Variants in CDH12 observed in about 807,000 individuals in gnomAD.
The protein encoded by CDH12 is cadherin-12.
In CDH12, 41 loss-of-function variants were observed where a neutral mutation model predicts 74.1. The ratio of observed to expected loss-of-function variants is 0.55; its 90% CI spans 0.43 to 0.72. CDH12 has a LOEUF of 0.72. CDH12 is among the 30% of genes least tolerant of loss of function. The probability of loss-of-function intolerance (pLI) is 0.00; values close to 1 mark genes in which losing one functional copy is unlikely to be tolerated. For synonymous variants in CDH12, 399 were observed against 355.0 expected, an observed-to-expected ratio of 1.12 and a Z score of -1.39; for missense variants, 945 against 977.2, an observed-to-expected ratio of 0.97 and a Z score of 0.44.
chr5:22,827,715 C>T (rs1736408908), intron 1 of CDH12, among the ~76,000 whole-genome samples: 1 of 152,080 alleles, frequency 6.6e-6, no homozygotes, highest in Admixed American at 6.6e-5. Flanking sequence ...GAACTTAAAA[C>T]TGAAATAGTA....
intron 5 of CDH12, among the ~76,000 whole-genome samples, chr5:22,020,748 C>A (rs1023603462): frequency 6.6e-6 from 1 of 151,976 alleles, no homozygotes; most frequent in Non-Finnish European, 1.5e-5. Context: ...TTGAGTTATC[C>A]CCCCTCTCAT....
At chr5:22,712,398 T>A (rs1345348205) in intron 1 of CDH12, among the ~76,000 whole-genome samples, 1 of 152,018 alleles carries the variant, frequency 6.6e-6, no homozygotes, top group Non-Finnish European at 1.5e-5. Context: ...AAATATAAGA[T>A]ACATTTTACA....
At chr5:21,909,241 T>C (rs948827965) in intron 6 of CDH12, among the ~76,000 whole-genome samples, 2 of 152,146 alleles carry the variant, frequency 1.3e-5, no homozygotes, top group Non-Finnish European at 2.9e-5. Context: ...ATTAACAACA[T>C]TGAAGCCTTC....
At chr5:21,896,362 C>A (rs1427228267) in intron 6 of CDH12, among the ~76,000 whole-genome samples, 1 of 152,152 alleles carries the variant, frequency 6.6e-6, no homozygotes, top group African/African-American at 2.4e-5. Context: ...TAAAAAGTGT[C>A]AAAATAACAA....
chr5:21,753,255 A>G (rs972184327), intron 14 of CDH12, among the ~76,000 whole-genome samples: 1 of 152,198 alleles, frequency 6.6e-6, no homozygotes, highest in African/African-American at 2.4e-5. Context: ...AATTTCATTT[A>G]TTCTCTCTTC....
chr5:22,230,338 A>G (rs1306060804), intron 3 of CDH12, among the ~76,000 whole-genome samples: 1 of 152,134 alleles, frequency 6.6e-6, no homozygotes, highest in Non-Finnish European at 1.5e-5. Flanking sequence ...TTTTTCTGGT[A>G]TCCTTAGTGT....
At chr5:22,076,694 A>G (rs1037632430) in intron 5 of CDH12, among the ~76,000 whole-genome samples, 2 of 152,180 alleles carry the variant, frequency 1.3e-5, no homozygotes, top group Non-Finnish European at 2.9e-5. Flanking sequence ...ATATTCCACA[A>G]TCATATTTGA....
chr5:22,657,878 C>CA (rs932060773), intron 1 of CDH12, among the ~76,000 whole-genome samples: 1 of 152,028 alleles, frequency 6.6e-6, no homozygotes, highest in African/African-American at 2.4e-5. Context: ...CCATAAAGTA[C>CA]AATAACATTT....
At chr5:22,543,747 C>T (rs141138174) in intron 1 of CDH12, among the ~76,000 whole-genome samples, 62 of 152,272 alleles carry the variant, frequency 4.1e-4, no homozygotes, top group Non-Finnish European at 7.4e-4. Context: ...TTGAAGTAAA[C>T]AATTTCTAAA....
At chr5:22,695,355 T>C (rs1372715850) in intron 1 of CDH12, among the ~76,000 whole-genome samples, 1 of 152,170 alleles carries the variant, frequency 6.6e-6, no homozygotes, top group Non-Finnish European at 1.5e-5. Context: ...TTTGGGTATA[T>C]ACCCAGTATT....
chr5:22,109,177 C>G (rs1490424523), intron 4 of CDH12, among the ~76,000 whole-genome samples: 1 of 152,054 alleles, frequency 6.6e-6, no homozygotes, highest in Non-Finnish European at 1.5e-5. Flanking sequence ...TTCTGTATAG[C>G]CTGCAAATGC....
intron 2 of CDH12, among the ~76,000 whole-genome samples, chr5:22,497,093 G>A (rs977888759): frequency 5.9e-5 from 9 of 152,056 alleles, no homozygotes; most frequent in African/African-American, 1.9e-4. Flanking sequence ...TTCTTATGAG[G>A]ATTAATTAAA....
intron 6 of CDH12, among the ~76,000 whole-genome samples, chr5:21,871,515 T>G (rs1021202853): frequency 2.0e-5 from 3 of 151,986 alleles, no homozygotes; most frequent in Admixed American, 6.6e-5. Flanking sequence ...GGTGGATCAC[T>G]TGAGGTCAAA....
intron 1 of CDH12, among the ~76,000 whole-genome samples, chr5:22,606,443 G>C (rs1034499824): frequency 5.6e-4 from 85 of 152,278 alleles, no homozygotes; most frequent in African/African-American, 1.9e-3. Flanking sequence ...TTATCCTAGT[G>C]GAGATAATTG....
intron 8 of CDH12, among the ~76,000 whole-genome samples, chr5:21,835,736 TA>T (rs1468783134): frequency 1.3e-5 from 2 of 151,270 alleles, no homozygotes; most frequent in Non-Finnish European, 3.0e-5. Context: ...AACATTTCTT[TA>T]AAAAAAAGAC....
chr5:22,522,490 T>C (rs1372067593), intron 1 of CDH12, among the ~76,000 whole-genome samples: 1 of 152,180 alleles, frequency 6.6e-6, no homozygotes, highest in Non-Finnish European at 1.5e-5. Context: ...TGAACATTCA[T>C]AGCTAGTCGG....
chr5:22,738,619 A>G (rs1210269409), intron 1 of CDH12, among the ~76,000 whole-genome samples: 1 of 152,084 alleles, frequency 6.6e-6, no homozygotes, highest in African/African-American at 2.4e-5. Flanking sequence ...ATATACAAAA[A>G]TACCTAACTT....
chr5:22,166,134 C>G (rs190830305), intron 4 of CDH12, among the ~76,000 whole-genome samples: 1 of 152,004 alleles, frequency 6.6e-6, no homozygotes. Context: ...GATCAGGGCC[C>G]CTTTTCAGTA....
At chr5:22,068,316 A>G (rs1054535271) in intron 5 of CDH12, among the ~76,000 whole-genome samples, 4 of 152,046 alleles carry the variant, frequency 2.6e-5, no homozygotes, top group African/African-American at 7.2e-5. Flanking sequence ...CGTGCTCCCT[A>G]TCAGCTGAGA....
Sources: gnomAD v4.1 joint callset for allele counts (sites outside exome capture counted in the v4.1 genomes callset) on GRCh38, gnomAD v4.1.1 for gene constraint, MANE v1.5 for transcripts, NCBI Gene and HGNC (gene_info 2026-07-23, HGNC 2026-07-21) for gene names.